Variants in C7 observed in about 807,000 individuals in gnomAD.
The protein encoded by C7 is complement C7.
C7 carries 83 observed loss-of-function variants against 104.8 expected under a neutral mutation model. The observed-to-expected ratio is 0.79, with a 90% CI of 0.66 to 0.95. The LOEUF is 0.95. Ranked by LOEUF, C7 falls within the 40% of genes least tolerant of loss-of-function variation. The pLI, the probability that C7 is intolerant of heterozygous loss-of-function variation, is 0.00. For synonymous variants in C7, 415 were observed against 360.6 expected (o/e 1.15, Z -1.71); for missense variants, 1,070 against 1,011.2 (o/e 1.06, Z -0.79).
intron 3 of C7, among the ~76,000 whole-genome samples, chr5:40,933,044 A>T (rs761048815): frequency 2.0e-5 from 3 of 152,190 alleles, no homozygotes; most frequent in Non-Finnish European, 2.9e-5. Flanking sequence ...GTTAAGTCAC[A>T]CATGAGCGGT....
Position 40,955,491 on chromosome 5 carries a change from A to G in C7, c.1198A>G (p.Lys400Glu), listed in dbSNP as rs1396177986. The G allele has an allele frequency of 1.2e-5, 20 of 1,613,510 alleles. No homozygotes were observed. The highest frequency in any genetic ancestry group is 1.7e-5 in the Non-Finnish European group (20 of 1,179,666). The change falls in exon 10 of 18, where the codon AAA (lysine) becomes GAA (glutamate). Residue 400 changes from lysine to glutamate, a missense_variant. Transcript: ENST00000313164. ...YLELDNPAGN[K>E]RRYSAWAESV... ...AGAGCTGGACAATCCTGCTGGAAAC[A>G]AAAGGCGATATTCTGCCTGGGCAGA...
At chr5:40,939,902 C>T (rs1418632994) in intron 6 of C7, among the ~76,000 whole-genome samples, 1 of 152,154 alleles carries the variant, frequency 6.6e-6, no homozygotes, top group Non-Finnish European at 1.5e-5. Flanking sequence ...AACTGAAATG[C>T]CTTCCCCATC....
chr5:40,956,455 G>A (rs959041557), intron 10 of C7, among the ~76,000 whole-genome samples: 4 of 152,234 alleles, frequency 2.6e-5, no homozygotes, highest in African/African-American at 9.6e-5. Context: ...GTATGCATGA[G>A]TTTTGTATAT....
At chr5:40,929,132 T>C (rs528544942) in intron 2 of C7, among the ~76,000 whole-genome samples, 7 of 152,330 alleles carry the variant, frequency 4.6e-5, no homozygotes, top group East Asian at 3.9e-4. Context: ...GTTCATTTTA[T>C]GGAACTATCA....
intron 16 of C7, among the ~76,000 whole-genome samples, chr5:40,977,240 G>A (rs1207466977): frequency 2.0e-5 from 3 of 152,178 alleles, no homozygotes; most frequent in Admixed American, 6.5e-5. Flanking sequence ...GATTCTTGAA[G>A]CATCTTCTCT....
rs1289974185 is a variant in C7, at chr5:40,931,121, T to A, written c.120T>A (p.Asn40Lys). Residue 40 changes from asparagine (N) to lysine (K), a missense_variant, in exon 3 of 18, where the codon AAT (asparagine) becomes AAA (lysine). Coordinates refer to ENST00000313164, the MANE Select transcript of C7 (RefSeq NM_000587.4). ...WDFYAPWSEC[N>K]GCTKTQTRRR... is the part of the protein sequence containing the mutation. Reference sequence around the variant, plus strand: ...TCTATGCCCCTTGGTCAGAATGCAATGGCTGTACCAAGACTCAGGTAGGAC... The same window carrying A: ...TCTATGCCCCTTGGTCAGAATGCAAAGGCTGTACCAAGACTCAGGTAGGAC... The A allele has an allele frequency of 3.1e-6, 5 of 1,613,166 alleles. No individual in the cohort carries two copies. Among genetic ancestry groups the A allele is most frequent in the Non-Finnish European group, 4.2e-6 (5 of 1,179,264 alleles).
chr5:40,968,242 C>T (rs2111694896), intron 14 of C7, among the ~76,000 whole-genome samples: 1 of 152,022 alleles, frequency 6.6e-6, no homozygotes, highest in East Asian at 1.9e-4. Flanking sequence ...TCTCCTGGCT[C>T]AGCCTCCTGA....
At chr5:40,935,989 A>G (rs1049019661) in intron 4 of C7, among the ~76,000 whole-genome samples, 4 of 152,178 alleles carry the variant, frequency 2.6e-5, no homozygotes, top group Admixed American at 2.6e-4. Context: ...TCTTAGAATG[A>G]CAGAAAAAAA....
Position 40,979,869 on chromosome 5 carries a change from GA to G in C7, c.2313del (p.Ala772LeufsTer37), listed in dbSNP as rs753234019. 1 of 1,606,200 alleles carries G rather than the reference GA, an allele frequency of 6.2e-7. No homozygotes were observed. Among genetic ancestry groups the G allele is most frequent in the Non-Finnish European group, 8.5e-7 (1 of 1,175,586 alleles). ...GCTGTACTCTGCCTGCCTCAGCTGA[GA>G]AAGCTTGTGGTGCCTGCCCACTGTG... is the stretch of plus-strand genomic sequence containing the variant. ...DSCTLPASAE[K>X]ACGACPLWGK... On this transcript the variant is annotated frameshift_variant, in exon 17 of 18. Transcript: ENST00000313164. LOFTEE classifies it low-confidence loss of function (END_TRUNC).
intron 1 of C7, among the ~76,000 whole-genome samples, chr5:40,910,806 C>CAAAAAAAAAAAAAAA: frequency 7.8e-6 from 1 of 128,442 alleles, no homozygotes; most frequent in Non-Finnish European, 1.7e-5. Flanking sequence ...AAAAAAAAAA[C>CAAAAAAAAAAAAAAA]AAAAAAAAAA....
intron 15 of C7, 108 bp from the exon 16 acceptor site, chr5:40,976,642 T>A (rs1159391346): frequency 1.6e-6 from 1 of 635,318 alleles, no homozygotes; most frequent in Non-Finnish European, 2.7e-6. Context: ...TGCAAATGCA[T>A]TGCAGTTGGA....
intron 9 of C7, 119 bp downstream of exon 9, chr5:40,950,133 G>GATTATTTTGTCACCCAAGT: frequency 1.6e-6 from 1 of 627,518 alleles, no homozygotes; most frequent in Non-Finnish European, 2.8e-6. Context: ...TTGTTGTACA[G>GATTATTTTGTCACCCAAGT]ATTATTTTGT....
rs772422101 is a variant in C7, at chr5:40,958,060, G to A, written c.1288G>A (p.Glu430Lys). ...GACACCTTTATATGAGCTGGTAAAG[G>A]AAGTACCTTGTGCCTCTGTGAAAAA... ...KLTPLYELVKEVPCASVKKLY... is the reference protein window; with the variant it reads ...KLTPLYELVKKVPCASVKKLY... The change falls in exon 11 of 18, where the codon GAA (glutamate) becomes AAA (lysine). Residue 430 changes from glutamate (E) to lysine (K), a missense_variant. Coordinates refer to ENST00000313164, the MANE Select transcript of C7 (RefSeq NM_000587.4). The A allele has an allele frequency of 3.7e-6, 6 of 1,613,214 alleles. No individual in the cohort carries two copies. Among genetic ancestry groups the A allele is most frequent in the Non-Finnish European group, 5.1e-6 (6 of 1,179,484 alleles).
chr5:40,925,132 C>A (rs1281921143), intron 1 of C7, among the ~76,000 whole-genome samples: 1 of 152,150 alleles, frequency 6.6e-6, no homozygotes, highest in Non-Finnish European at 1.5e-5. Flanking sequence ...CTCTGCTTCC[C>A]TTTCATGTAT....
chr5:40,944,286 A>G (rs1221288460), intron 6 of C7, among the ~76,000 whole-genome samples: 2 of 152,226 alleles, frequency 1.3e-5, no homozygotes, highest in Non-Finnish European at 2.9e-5. Flanking sequence ...ACAGGGACTG[A>G]CATTTTTAGC....
chr5:40,935,097 T>G (rs1739785137), intron 4 of C7, among the ~76,000 whole-genome samples: 1 of 152,314 alleles, frequency 6.6e-6, no homozygotes, highest in Non-Finnish European at 1.5e-5. Context: ...AAATAATCCC[T>G]GTGTTAGAAG....
rs150451794 is a variant in C7, at chr5:40,928,242, G to C, written c.7-338G>C. Among the ~76,000 whole-genome samples the C allele has an allele frequency of 5.9e-5, 9 of 152,272 alleles. No individual in the cohort carries two copies. In the East Asian group the frequency reaches 1.7e-3, roughly 29 times the overall value. ...AGCAAAGTAGAATGGTGGTTACAGAGACTGGGGTAATAGGGAAATAAAGGT... is the reference window on the plus strand; with the variant it reads ...AGCAAAGTAGAATGGTGGTTACAGACACTGGGGTAATAGGGAAATAAAGGT... On this transcript the variant is annotated intron_variant, in intron 1 of 17. Coordinates refer to ENST00000313164, the MANE Select transcript of C7 (RefSeq NM_000587.4).
rs1452711406 is a variant in C7 at position 40,958,090 on chromosome 5, T to C, written c.1318T>C (p.Tyr440His). The C allele has an allele frequency of 6.8e-6, 11 of 1,613,702 alleles. No homozygotes were observed. The highest frequency in any genetic ancestry group is 9.3e-6 in the Non-Finnish European group (11 of 1,179,780). Residue 440 changes from tyrosine (Y) to histidine (H), a missense_variant, in exon 11 of 18, where the codon TAC becomes CAC. Coordinates refer to ENST00000313164, the MANE Select transcript of C7 (RefSeq NM_000587.4). ...EVPCASVKKL[Y>H]LKWALEEYLD... The stretch of plus-strand genomic sequence containing the variant: ...ACCTTGTGCCTCTGTGAAAAAACTA[T>C]ACCTGAAATGGGCTCTTGAAGAGTA...
At chr5:40,972,107 AC>A in intron 14 of C7, 1 of 517,484 alleles carries the variant, frequency 1.9e-6, no homozygotes, top group South Asian at 1.7e-5. Context: ...TTTGGTTTCA[AC>A]AGTAGGCTGG....
Sources: allele counts gnomAD v4.1 joint callset (sites outside exome capture counted in the v4.1 genomes callset), GRCh38; gene constraint gnomAD v4.1.1; transcripts MANE v1.5; gene names NCBI Gene and HGNC (gene_info 2026-07-23, HGNC 2026-07-21).